The following SUSD1 variants were observed in gnomAD, a reference collection of about 807,000 sequenced individuals.
The protein encoded by SUSD1 is sushi domain containing 1.
In SUSD1, 65 loss-of-function variants were observed where a neutral mutation model predicts 86.9. That is an observed-to-expected ratio of 0.75 (90% CI 0.61 to 0.92). SUSD1 has a LOEUF of 0.92. Ranked by LOEUF, SUSD1 falls within the 40% of genes least tolerant of loss-of-function variation. SUSD1 has a pLI of 0.00. For synonymous variants in SUSD1, 346 were observed against 350.0 expected, an observed-to-expected ratio of 0.99 and a Z score of 0.13; for missense variants, 850 against 929.7, an observed-to-expected ratio of 0.91 and a Z score of 1.11.
intron 10 of SUSD1, 68 bp from the exon 11 acceptor site, chr9:112,080,233 C>A: frequency 8.7e-7 from 1 of 1,148,090 alleles, no homozygotes; most frequent in South Asian, 1.2e-5. Flanking sequence ...TTAATTGAGC[C>A]ATTTTTCCAA....
In SUSD1 at chr9:112,041,408, G is replaced by A. The variant is rs960496726; in HGVS notation, c.*84C>T. ...CATGCTCCCTGGACGGAAGTCACAC[G>A]GAGCCTCTGTGCGGGCACCTGAGAA... On this transcript the variant is annotated 3_prime_UTR_variant, in exon 17 of 17. Transcript: ENST00000374270. 2.2e-5 allele frequency: 17 copies of A among 779,178 alleles called. 1 individual carries two copies. The highest frequency in any genetic ancestry group is 1.3e-4 in the South Asian group (10 of 74,364). The allele number at this position is 779,178 out of a possible 1,614,324, so 48.3% of individuals were successfully genotyped here.
intron 10 of SUSD1, among the ~76,000 whole-genome samples, chr9:112,080,741 A>C (rs1374235332): frequency 1.3e-5 from 2 of 152,026 alleles, no homozygotes; most frequent in Non-Finnish European, 2.9e-5. Flanking sequence ...GAGTCTATTT[A>C]CTGCAAGCTT....
In SUSD1 at chr9:112,157,613, C is replaced by A. The variant is rs1299292534; in HGVS notation, c.104G>T (p.Gly35Val). The change falls in exon 2 of 17, where the codon GGT (glycine) becomes GTT (valine). Residue 35 changes from glycine (G) to valine (V), a missense_variant and splice_region_variant. Coordinates refer to ENST00000374270, the MANE Select transcript of SUSD1 (RefSeq NM_022486.5). ...RGAAGAPGPD[G>V]LDVCATCHEH... is the part of the protein sequence containing the mutation. ...ATGGCAAGTGGCACAGACGTCTAAA[C>A]CTGAATCATAAATTGTATGTTTCAG... 2 of 1,610,304 alleles carry A rather than the reference C, an allele frequency of 1.2e-6. No individual in the cohort carries two copies. The highest frequency in any genetic ancestry group is 1.7e-6 in the Non-Finnish European group (2 of 1,177,038).
intron 7 of SUSD1, 127 bp downstream of exon 7, chr9:112,112,644 T>TAAAAGAAA (rs1441631735): frequency 1.6e-6 from 1 of 632,530 alleles, no homozygotes; most frequent in Non-Finnish European, 2.7e-6. Context: ...ACAAAAAAAA[T>TAAAAGAAA]AAAAGAAAAA....
chr9:112,164,800 C>T (rs550154438), intron 1 of SUSD1, among the ~76,000 whole-genome samples: 3 of 152,096 alleles, frequency 2.0e-5, no homozygotes, highest in Admixed American at 6.5e-5. Context: ...AAAAACTAGC[C>T]GGGTTTGGTG....
At chr9:112,149,483 C>T in intron 2 of SUSD1, 84 bp from the exon 3 acceptor site, 2 of 1,498,506 alleles carry the variant, frequency 1.3e-6, no homozygotes, top group Non-Finnish European at 1.8e-6. Context: ...ATGCTATGGA[C>T]TCGGGAACCA....
intron 5 of SUSD1, among the ~76,000 whole-genome samples, chr9:112,127,182 G>A (rs145206759): frequency 6.6e-6 from 1 of 152,096 alleles, no homozygotes; most frequent in African/African-American, 2.4e-5. Context: ...GACCAGCCTG[G>A]CCAACATGGC....
chr9:112,076,078 C>T (rs1829501684), intron 12 of SUSD1, among the ~76,000 whole-genome samples: 2 of 152,108 alleles, frequency 1.3e-5, no homozygotes, highest in South Asian at 4.1e-4. Context: ...AACTTGGATT[C>T]CATTCTAACT....
intron 3 of SUSD1, among the ~76,000 whole-genome samples, chr9:112,147,166 A>T (rs1832838831): frequency 6.6e-6 from 1 of 152,206 alleles, no homozygotes; most frequent in South Asian, 2.1e-4. Context: ...TACTGAAATT[A>T]GCTGTCTGCT....
chr9:112,060,962 T>TC (rs1828696570), intron 13 of SUSD1, among the ~76,000 whole-genome samples: 1 of 152,274 alleles, frequency 6.6e-6, no homozygotes. Flanking sequence ...ATGAATCAGC[T>TC]CCCCAATTAG....
chr9:112,086,515 AAAG>A (rs910075803), intron 10 of SUSD1, among the ~76,000 whole-genome samples: 1 of 149,180 alleles, frequency 6.7e-6, no homozygotes, highest in African/African-American at 2.5e-5. Context: ...AAAAAGAAAG[AAAG>A]AAAGAGAGAG....
intron 5 of SUSD1, among the ~76,000 whole-genome samples, chr9:112,134,124 A>G (rs1832155034): frequency 6.6e-6 from 1 of 152,262 alleles, no homozygotes; most frequent in Non-Finnish European, 1.5e-5. Flanking sequence ...TGGGAATGTA[A>G]ATTAGTTCAG....
chr9:112,112,140 G>A (rs1290654241), intron 7 of SUSD1: 7 of 268,888 alleles, frequency 2.6e-5, no homozygotes, highest in Admixed American at 4.9e-5. Flanking sequence ...GTCAGCAGAC[G>A]CTCCCGGGCT....
At chr9:112,103,927 G>A (rs1830727667) in intron 8 of SUSD1, among the ~76,000 whole-genome samples, 1 of 152,156 alleles carries the variant, frequency 6.6e-6, no homozygotes, top group Admixed American at 6.5e-5. Context: ...TCCATCTGGA[G>A]CCATTTAGCC....
At chr9:112,141,764 T>C (rs1332860852) in intron 5 of SUSD1, among the ~76,000 whole-genome samples, 3 of 143,902 alleles carry the variant, frequency 2.1e-5, no homozygotes, top group Non-Finnish European at 4.5e-5. Flanking sequence ...ATATAATATA[T>C]AATACATTAC....
intron 5 of SUSD1, among the ~76,000 whole-genome samples, chr9:112,127,723 A>T (rs1220473495): frequency 6.6e-6 from 1 of 152,240 alleles, no homozygotes. Context: ...TAATAAGTCA[A>T]CACATAACTG....
Position 112,099,148 on chromosome 9 carries a change from G to A in SUSD1, c.1282-486C>T, listed in dbSNP as rs79563894. 9.9e-3 allele frequency among the ~76,000 whole-genome samples: 1,501 copies of A among 152,050 alleles called. 62 individuals are homozygous for A. In the East Asian group the frequency reaches 0.1, roughly 10 times the overall value. The stretch of plus-strand genomic sequence containing the variant: ...CACAGCAATCTCAAACTCCTGGACT[G>A]AAGTGATCCTCAGCCTCCCGAGTAG... On this transcript the variant is annotated intron_variant, in intron 9 of 16. Transcript: ENST00000374270.
chr9:112,100,335 C>T lies in SUSD1; in HGVS notation c.1282-1673G>A, dbSNP rs563629376. Among the ~76,000 whole-genome samples, 24 of 152,034 alleles carry T rather than the reference C, an allele frequency of 1.6e-4. No individual in the cohort carries two copies. The South Asian group carries it at 4.2e-3, about 26-fold the overall frequency. On this transcript the variant is annotated intron_variant, in intron 9 of 16. Coordinates refer to ENST00000374270, the MANE Select transcript of SUSD1 (RefSeq NM_022486.5). ...CCAAGTAGCTGGGACTACAGGTGCC[C>T]GCCACCACGCCTGGCTAATTTTTTG...
At chr9:112,154,333 C>CAAA (rs1205886713) in intron 2 of SUSD1, among the ~76,000 whole-genome samples, 19 of 104,102 alleles carry the variant, frequency 1.8e-4, no homozygotes, top group African/African-American at 8.0e-4. Flanking sequence ...CACACACACA[C>CAAA]ACAAAAAAAA....
Sources: gnomAD v4.1 joint callset for allele counts (sites outside exome capture counted in the v4.1 genomes callset) on GRCh38, gnomAD v4.1.1 for gene constraint, MANE v1.5 for transcripts, NCBI Gene and HGNC (gene_info 2026-07-23, HGNC 2026-07-21) for gene names.